Variants in PTP4A1 observed in about 807,000 individuals in gnomAD.
The protein encoded by PTP4A1 is protein tyrosine phosphatase type IVA 1.
PTP4A1 carries 9 observed loss-of-function variants against 20.5 expected under a neutral mutation model. The observed-to-expected ratio is 0.44, with a 90% CI of 0.26 to 0.77. The LOEUF is 0.77. Ranked by LOEUF, PTP4A1 falls within the 30% of genes least tolerant of loss-of-function variation. PTP4A1 has a pLI of 0.19. For missense variants in PTP4A1, 137 were observed against 218.8 expected (o/e 0.63, Z 2.36); for synonymous variants, 78 against 67.4 (o/e 1.16, Z -0.77).
At chr6:63,519,381 G>C (rs1189580094), upstream of PTP4A1, among the ~76,000 whole-genome samples, 1 of 152,048 alleles carries the variant, frequency 6.6e-6, no homozygotes, top group African/African-American at 2.4e-5. Flanking sequence ...GGTCAAGTCA[G>C]GTCAGGTTTT....
In PTP4A1 at chr6:63,551,604, G is replaced by A. The variant is rs184974000; in HGVS notation, c.-446+1111G>A. Among the ~76,000 whole-genome samples the A allele has an allele frequency of 2.3e-3, 350 of 152,036 alleles. 2 individuals carry two copies. The highest frequency in any genetic ancestry group is 8.0e-3 in the African/African-American group (332 of 41,484). ...CACAATGTGCAGGTTTGTTACATAT[G>A]TATACATGTGCCATGTTGGTGTGCT... is the stretch of plus-strand genomic sequence containing the variant. On this transcript the variant is annotated intron_variant, in intron 3 of 3. Transcript: ENST00000639568.
chr6:63,537,524 G>T (rs148469094), intron 2 of PTP4A1, among the ~76,000 whole-genome samples: 1 of 152,140 alleles, frequency 6.6e-6, no homozygotes, highest in African/African-American at 2.4e-5. Context: ...GCCTTAGAGC[G>T]TACCTTTTCA....
At chr6:63,525,289 T>C (rs958572842) in intron 1 of PTP4A1, among the ~76,000 whole-genome samples, 1 of 152,210 alleles carries the variant, frequency 6.6e-6, no homozygotes, top group African/African-American at 2.4e-5. Flanking sequence ...CTTGTGATGC[T>C]GAAGCCGGTT....
chr6:63,536,623 T>A (rs1038329735), intron 2 of PTP4A1, among the ~76,000 whole-genome samples: 3 of 152,234 alleles, frequency 2.0e-5, no homozygotes, highest in Non-Finnish European at 4.4e-5. Context: ...AATATTTTTC[T>A]ACTGTAACAT....
intron 3 of PTP4A1, among the ~76,000 whole-genome samples, chr6:63,550,881 CT>C (rs1363364233): frequency 3.3e-5 from 5 of 152,158 alleles, no homozygotes; most frequent in Admixed American, 6.5e-5. Flanking sequence ...CTGCCTCGGC[CT>C]CCCAAAGTGT....
chr6:63,567,351 A>G lies in PTP4A1; in HGVS notation c.-445-9085A>G, dbSNP rs116248901. Among the ~76,000 whole-genome samples the G allele has an allele frequency of 9.5e-3, 1,451 of 152,340 alleles. 12 individuals are homozygous for G. The highest frequency in any genetic ancestry group is 0.038 in the South Asian group (186 of 4,832). Reference sequence around the variant, plus strand: ...GAAAGTCAAAATTATTCCTTGATCCATGGGTTGCAGAATGGATGCTGTGTT... The same window carrying G: ...GAAAGTCAAAATTATTCCTTGATCCGTGGGTTGCAGAATGGATGCTGTGTT... On this transcript the variant is annotated intron_variant, in intron 3 of 3. Coordinates refer to the PTP4A1 transcript ENST00000639568.
chr6:63,547,222 T>C (rs1231926163), intron 2 of PTP4A1, among the ~76,000 whole-genome samples: 5 of 149,572 alleles, frequency 3.3e-5, no homozygotes, highest in Non-Finnish European at 5.9e-5. Context: ...TGGAGTCTTG[T>C]TGTGTCACTG....
intron 1 of PTP4A1, among the ~76,000 whole-genome samples, chr6:63,526,405 C>A (rs963581084): frequency 2.6e-5 from 4 of 152,012 alleles, no homozygotes; most frequent in Non-Finnish European, 5.9e-5. Context: ...ATTCTATTAT[C>A]AAAAATGAAG....
chr6:63,570,087 C>A (rs1283670079), upstream of PTP4A1, among the ~76,000 whole-genome samples: 1 of 152,178 alleles, frequency 6.6e-6, no homozygotes, highest in Non-Finnish European at 1.5e-5. Context: ...TAAAATGTGT[C>A]CTTTCCTTTG....
At chr6:63,525,262 G>A (rs971785388) in intron 1 of PTP4A1, among the ~76,000 whole-genome samples, 3 of 152,124 alleles carry the variant, frequency 2.0e-5, no homozygotes, top group Non-Finnish European at 4.4e-5. Flanking sequence ...GATCAAACCC[G>A]CTCTTCCATA....
At chr6:63,553,143 A>G (rs1197843233) in intron 3 of PTP4A1, among the ~76,000 whole-genome samples, 4 of 152,186 alleles carry the variant, frequency 2.6e-5, no homozygotes. Flanking sequence ...TTTCCTCCAA[A>G]GTATACAATT....
intron 2 of PTP4A1, among the ~76,000 whole-genome samples, chr6:63,531,667 T>G (rs1366553956): frequency 2.0e-5 from 3 of 152,038 alleles, no homozygotes; most frequent in African/African-American, 7.2e-5. Flanking sequence ...TATTTCATAC[T>G]TTTTTGTAGG....
chr6:63,526,273 C>A (rs1161898991), intron 1 of PTP4A1, among the ~76,000 whole-genome samples: 3 of 151,982 alleles, frequency 2.0e-5, no homozygotes, highest in Non-Finnish European at 4.4e-5. Flanking sequence ...TGCAGTGAAC[C>A]AAGATCTCAC....
chr6:63,526,639 C>G (rs1301808094), intron 1 of PTP4A1, among the ~76,000 whole-genome samples: 2 of 151,492 alleles, frequency 1.3e-5, no homozygotes, highest in African/African-American at 4.8e-5. Context: ...GAAACCCTGT[C>G]TCTACTAAAA....
At chr6:63,579,163 A>G (rs1778060258) in intron 4 of PTP4A1, 94 bp from the exon 5 acceptor site, 3 of 1,399,940 alleles carry the variant, frequency 2.1e-6, no homozygotes, top group Non-Finnish European at 2.9e-6. Context: ...GAAGGGTGGT[A>G]GATAATACTT....
Position 63,577,924 on chromosome 6 carries a change from G to A in PTP4A1, c.106-513G>A, listed in dbSNP as rs1744162. ...TTAGTAATATGTAATTAGTAATAATGCATTTTGAAGCCTGTAGTTTTAAAT... is the reference window on the plus strand; with the variant it reads ...TTAGTAATATGTAATTAGTAATAATACATTTTGAAGCCTGTAGTTTTAAAT... On this transcript the variant is annotated intron_variant, in intron 2 of 5. Transcript: ENST00000626021. Among the ~76,000 whole-genome samples the A allele has an allele frequency of 8.7e-3, 1,314 of 150,570 alleles. 13 individuals carry two copies. The highest frequency in any genetic ancestry group is 0.03 in the African/African-American group (1,220 of 41,200).
chr6:63,523,170 C>G (rs1313466664), intron 1 of PTP4A1, among the ~76,000 whole-genome samples: 1 of 152,026 alleles, frequency 6.6e-6, no homozygotes, highest in Non-Finnish European at 1.5e-5. Context: ...CCAGCCGAAT[C>G]ACTCTTTTAT....
Position 63,576,799 on chromosome 6 carries a change from C to T in PTP4A1, c.-82C>T, listed in dbSNP as rs576914099. 2.0e-5 allele frequency: 22 copies of T among 1,116,980 alleles called. No individual in the cohort carries two copies. In the South Asian group the frequency reaches 2.8e-4, roughly 14 times the overall value. 69.2% of individuals were successfully genotyped at this position (1,116,980 alleles called of 1,614,324 possible). ...TTCAAGTGGAGTATATTGAAGTAGA[C>T]TTCAGTTTCTTTGCATCATTTCTGT... On this transcript the variant is annotated 5_prime_UTR_variant, in exon 2 of 6. Transcript: ENST00000626021.
chr6:63,546,780 C>A (rs1163200211), intron 2 of PTP4A1, among the ~76,000 whole-genome samples: 1 of 151,974 alleles, frequency 6.6e-6, no homozygotes, highest in Middle Eastern at 3.4e-3. Context: ...AGCATAGTGA[C>A]TATAGTTAAT....
Sources: allele counts gnomAD v4.1 joint callset (sites outside exome capture counted in the v4.1 genomes callset), GRCh38; gene constraint gnomAD v4.1.1; transcripts MANE v1.5; gene names NCBI Gene and HGNC (gene_info 2026-07-23, HGNC 2026-07-21).